Variants in TIMD4 observed in about 807,000 individuals in gnomAD.
TIMD4 encodes T cell immunoglobulin and mucin domain containing 4, also known as T-cell immunoglobulin and mucin domain-containing protein 4.
In TIMD4, 31 loss-of-function variants were observed where a neutral mutation model predicts 41.2. That is an observed-to-expected ratio of 0.75 (90% CI 0.57 to 1.01). TIMD4 has a LOEUF of 1.01. Among genes scored for constraint, TIMD4 ranks in the 50% least tolerant of loss-of-function variants. TIMD4 has a pLI of 0.00. For missense variants in TIMD4, 479 were observed against 472.5 expected, an observed-to-expected ratio of 1.01 and a Z score of -0.13; for synonymous variants, 204 against 177.1, an observed-to-expected ratio of 1.15 and a Z score of -1.21.
chr5:156,960,424 TCA>T (rs1581638080), intron 1 of TIMD4, among the ~76,000 whole-genome samples: 12 of 139,336 alleles, frequency 8.6e-5, no homozygotes, highest in African/African-American at 2.3e-4. Context: ...TTTTTTTTTT[TCA>T]GAAAGAGTCT....
At chr5:156,941,851 G>A (rs1209015537) in intron 5 of TIMD4, among the ~76,000 whole-genome samples, 1 of 152,168 alleles carries the variant, frequency 6.6e-6, no homozygotes, top group Non-Finnish European at 1.5e-5. Flanking sequence ...GAGTTACAAG[G>A]TACAGATTTA....
intron 5 of TIMD4, among the ~76,000 whole-genome samples, chr5:156,932,864 C>T (rs1042555204): frequency 2.0e-5 from 3 of 151,928 alleles, no homozygotes; most frequent in Non-Finnish European, 4.4e-5. Context: ...ATTAGCCAGG[C>T]GTGGTGGTGG....
At chr5:156,959,581 C>T (rs1418627659) in intron 1 of TIMD4, among the ~76,000 whole-genome samples, 1 of 152,160 alleles carries the variant, frequency 6.6e-6, no homozygotes, top group Non-Finnish European at 1.5e-5. Flanking sequence ...CTTATGCCAG[C>T]TTGGTTCCTT....
At chr5:156,944,171 G>C (rs1332363040) in intron 5 of TIMD4, among the ~76,000 whole-genome samples, 2 of 152,178 alleles carry the variant, frequency 1.3e-5, no homozygotes, top group African/African-American at 4.8e-5. Flanking sequence ...TAGATTTGGG[G>C]GGAGTGGGAC....
rs1289326920 is a variant in TIMD4, at chr5:156,919,428, C to T, written c.*29G>A. 7 of 1,592,762 alleles carry T rather than the reference C, an allele frequency of 4.4e-6. No individual in the cohort carries two copies. The highest frequency in any genetic ancestry group is 6.0e-6 in the Non-Finnish European group (7 of 1,161,328). ...TTTTGACACTGGAGTGTCATGCCCC[C>T]ATCCTCAATCTAACATGCTACTGCG... On this transcript the variant is annotated 3_prime_UTR_variant, in exon 9 of 9. Coordinates refer to ENST00000274532, the MANE Select transcript of TIMD4 (RefSeq NM_138379.3).
intron 8 of TIMD4, 97 bp from the exon 9 acceptor site, chr5:156,919,638 T>A: frequency 2.2e-6 from 2 of 916,618 alleles, no homozygotes; most frequent in Admixed American, 4.3e-5. Flanking sequence ...ACCCTTAAAG[T>A]TCAAAGGGCT....
intron 1 of TIMD4, among the ~76,000 whole-genome samples, chr5:156,959,020 T>G (rs1029117723): frequency 1.3e-5 from 2 of 152,152 alleles, no homozygotes; most frequent in African/African-American, 4.8e-5. Context: ...TGAAAGTAAA[T>G]GCACAGAAAA....
At chr5:156,923,143 A>T (rs932669376) in intron 6 of TIMD4, among the ~76,000 whole-genome samples, 31 of 135,048 alleles carry the variant, frequency 2.3e-4, no homozygotes, top group Non-Finnish European at 4.6e-4. Flanking sequence ...CTGGGATTAA[A>T]TTTTTTTTTT....
chr5:156,949,653 T>C lies in TIMD4; in HGVS notation c.758A>G (p.Lys253Arg). The part of the protein sequence containing the change: ...TSADTVLLTS[K>R]ESKVWDLPST... ...AGAGAGAGTGAGTGTCTGCACACCT[T>C]TGGATGTCAGCAGGACAGTGTCAGC... The change falls in exon 4 of 9, where the codon AAA becomes AGA. Residue 253 changes from lysine (K) to arginine (R), a missense_variant and splice_region_variant. By Grantham distance (26) the Lys-to-Arg change is conservative. Transcript: ENST00000274532. 1 of 1,610,600 alleles carries C rather than the reference T, an allele frequency of 6.2e-7. No homozygotes were observed.
chr5:156,958,164 T>C (rs981235829), intron 1 of TIMD4, among the ~76,000 whole-genome samples: 2 of 151,434 alleles, frequency 1.3e-5, no homozygotes, highest in East Asian at 3.9e-4. Context: ...CCCAGCTACT[T>C]GGGAGGCTGA....
Position 156,954,760 on chromosome 5 carries a change from C to A in TIMD4, c.59-4G>T. On this transcript the variant is annotated splice_region_variant and splice_polypyrimidine_tract_variant and intron_variant, in intron 1 of 8. Coordinates refer to ENST00000274532, the MANE Select transcript of TIMD4 (RefSeq NM_138379.3). Reference sequence around the variant, plus strand: ...ACAGTCTCTGAAGTGACTGGTGCTGCAAGGAAAAATGCGAAATTTAGGTCA... The same window carrying A: ...ACAGTCTCTGAAGTGACTGGTGCTGAAAGGAAAAATGCGAAATTTAGGTCA... The A allele has an allele frequency of 1.3e-6, 2 of 1,593,432 alleles. No individual in the cohort carries two copies. Among genetic ancestry groups the A allele is most frequent in the Admixed American group, 1.7e-5 (1 of 57,218 alleles).
At chr5:156,920,399 A>C in intron 8 of TIMD4, 65 bp downstream of exon 8, 2 of 1,519,700 alleles carry the variant, frequency 1.3e-6, no homozygotes, top group South Asian at 2.2e-5. Context: ...ACCACTGAGT[A>C]GTAGCTAATC....
chr5:156,931,689 G>C (rs1448774756), intron 5 of TIMD4, among the ~76,000 whole-genome samples: 2 of 152,154 alleles, frequency 1.3e-5, no homozygotes, highest in African/African-American at 4.8e-5. Context: ...TGGTAGGCAT[G>C]GGCACTCTGG....
chr5:156,948,907 T>C (rs1316685835), intron 4 of TIMD4, among the ~76,000 whole-genome samples: 1 of 152,256 alleles, frequency 6.6e-6, no homozygotes, highest in African/African-American at 2.4e-5. Flanking sequence ...TTTCCCTTGC[T>C]AGATTATTAG....
At chr5:156,946,460 C>T (rs1759742314) in intron 5 of TIMD4, among the ~76,000 whole-genome samples, 1 of 152,038 alleles carries the variant, frequency 6.6e-6, no homozygotes, top group South Asian at 2.1e-4. Flanking sequence ...TTGTCTGTTT[C>T]CTCCAACTCT....
chr5:156,944,493 ATC>A (rs1483319373), intron 5 of TIMD4, among the ~76,000 whole-genome samples: 3 of 115,476 alleles, frequency 2.6e-5, no homozygotes, highest in Non-Finnish European at 5.1e-5. Context: ...CAGCTGTGTG[ATC>A]TTTTTTTTTT....
intron 1 of TIMD4, among the ~76,000 whole-genome samples, chr5:156,959,747 A>G (rs1760043876): frequency 6.6e-6 from 1 of 152,192 alleles, no homozygotes; most frequent in Admixed American, 6.5e-5. Context: ...ATCTTAGAAA[A>G]GGCACATATA....
intron 5 of TIMD4, among the ~76,000 whole-genome samples, chr5:156,943,787 C>CA (rs950365889): frequency 8.4e-4 from 128 of 152,062 alleles, no homozygotes; most frequent in African/African-American, 2.5e-3. Context: ...TGCAGAGGCT[C>CA]ACACCTGTAA....
chr5:156,951,347 G>A (rs1759848729), intron 3 of TIMD4, among the ~76,000 whole-genome samples, 165 bp downstream of exon 3: 1 of 152,018 alleles, frequency 6.6e-6, no homozygotes, highest in Non-Finnish European at 1.5e-5. Flanking sequence ...AATTTCTGTT[G>A]TTTAAGCTAC....
Sources: gnomAD v4.1 joint callset for allele counts (sites outside exome capture counted in the v4.1 genomes callset) on GRCh38, gnomAD v4.1.1 for gene constraint, MANE v1.5 for transcripts, NCBI Gene and HGNC (gene_info 2026-07-23, HGNC 2026-07-21) for gene names.